SLC16A5: variants seen among roughly 807,000 people sequenced by gnomAD.
SLC16A5 encodes monocarboxylate transporter 6.
SLC16A5 carries 29 observed loss-of-function variants against 33.2 expected under a neutral mutation model. That is an observed-to-expected ratio of 0.87 (90% CI 0.65 to 1.19). SLC16A5 has a LOEUF of 1.19. Ranked by LOEUF, SLC16A5 falls within the 50% of genes most tolerant of loss-of-function variation. The pLI, the probability that SLC16A5 is intolerant of heterozygous loss-of-function variation, is 0.00. For missense variants in SLC16A5, 606 were observed against 678.2 expected, an observed-to-expected ratio of 0.89 and a Z score of 1.18; for synonymous variants, 248 against 284.1, an observed-to-expected ratio of 0.87 and a Z score of 1.28.
intron 5 of SLC16A5, among the ~76,000 whole-genome samples, chr17:75,101,844 AG>A (rs1435136532): frequency 6.6e-6 from 1 of 152,010 alleles, no homozygotes; most frequent in Non-Finnish European, 1.5e-5. Context: ...CATGTTGCTC[AG>A]GCTGCTCTCA....
intron 2 of SLC16A5, among the ~76,000 whole-genome samples, chr17:75,092,637 T>TA (rs2073655269): frequency 6.6e-6 from 1 of 151,990 alleles, no homozygotes; most frequent in African/African-American, 2.4e-5. Flanking sequence ...GTGTGTGTCT[T>TA]TATATGAGTT....
At chr17:75,105,749 AC>A (rs2073854591) in intron 6 of SLC16A5, 130 bp from the exon 7 acceptor site, 1 of 1,413,694 alleles carries the variant, frequency 7.1e-7, no homozygotes, top group Non-Finnish European at 9.2e-7. Context: ...GAGCTGGAGT[AC>A]GTTTCCCCTC....
chr17:75,101,019 C>T (rs1210247810), intron 5 of SLC16A5, among the ~76,000 whole-genome samples: 4 of 152,006 alleles, frequency 2.6e-5, no homozygotes, highest in African/African-American at 7.2e-5. Flanking sequence ...GAGGCCGGGG[C>T]GGGCAGATCA....
chr17:75,108,297 A>C (rs534026093), downstream of SLC16A5, among the ~76,000 whole-genome samples: 80 of 152,152 alleles, frequency 5.3e-4, 1 homozygote, highest in Admixed American at 7.9e-4. Context: ...GAGGCAGAGA[A>C]ACCCCTTGGG....
chr17:75,090,856 C>G (rs1419516444), intron 2 of SLC16A5, among the ~76,000 whole-genome samples: 1 of 152,092 alleles, frequency 6.6e-6, no homozygotes, highest in Non-Finnish European at 1.5e-5. Context: ...ACAGCCAGCT[C>G]CACTGAAAGG....
At chr17:75,095,285 G>A (rs2073702211) in intron 3 of SLC16A5, among the ~76,000 whole-genome samples, 1 of 152,178 alleles carries the variant, frequency 6.6e-6, no homozygotes. Context: ...TTCTCACACA[G>A]GCAGAGCAGG....
chr17:75,104,369 G>A, intron 6 of SLC16A5, 189 bp downstream of exon 6: 1 of 1,420,850 alleles, frequency 7.0e-7, no homozygotes, highest in South Asian at 1.6e-5. Context: ...ACTCTGCCAG[G>A]AGCTGGGACT....
At chr17:75,099,917 A>G in intron 4 of SLC16A5, 90 bp from the exon 5 acceptor site, 14 of 1,167,538 alleles carry the variant, frequency 1.2e-5, no homozygotes, top group Non-Finnish European at 1.6e-5. Context: ...AGAGGAGGGC[A>G]GGTGTGTGAA....
intron 4 of SLC16A5, 28 bp downstream of exon 4, chr17:75,098,209 A>G (rs1295226286): frequency 1.2e-6 from 2 of 1,610,666 alleles, no homozygotes; most frequent in South Asian, 1.1e-5. Context: ...TCCAGAATTT[A>G]TAGGCACCTG....
At chr17:75,107,297 C>A (rs527935154), downstream of SLC16A5, among the ~76,000 whole-genome samples, 8 of 151,672 alleles carry the variant, frequency 5.3e-5, no homozygotes, top group Non-Finnish European at 8.8e-5. Flanking sequence ...CCTTGTCCCC[C>A]CTTCCCAAAA....
At chr17:75,107,054 TA>T (rs2073869309), downstream of SLC16A5, among the ~76,000 whole-genome samples, 1 of 151,120 alleles carries the variant, frequency 6.6e-6, no homozygotes, top group Non-Finnish European at 1.5e-5. Flanking sequence ...ATCATGCCTG[TA>T]ATCCCAACAC....
chr17:75,090,909 C>G (rs1282394354), intron 2 of SLC16A5, among the ~76,000 whole-genome samples: 2 of 152,190 alleles, frequency 1.3e-5, no homozygotes, highest in Admixed American at 6.5e-5. Flanking sequence ...TCACAGGAGC[C>G]TGGGCAAAGT....
chr17:75,090,726 T>A (rs2073627057), intron 2 of SLC16A5, among the ~76,000 whole-genome samples: 1 of 152,096 alleles, frequency 6.6e-6, no homozygotes, highest in Admixed American at 6.6e-5. Flanking sequence ...CCCAAAGTGC[T>A]GGGATTACAG....
intron 5 of SLC16A5, among the ~76,000 whole-genome samples, chr17:75,102,399 C>G (rs2073810931): frequency 6.8e-6 from 1 of 146,738 alleles, no homozygotes; most frequent in African/African-American, 2.7e-5. Context: ...CAGAGTGAAA[C>G]TCCAACTCGA....
chr17:75,090,046 G>A (rs994159141), intron 2 of SLC16A5: 2 of 152,222 alleles, frequency 1.3e-5, no homozygotes, highest in African/African-American at 4.8e-5. Context: ...AGGCTGGAGT[G>A]CAGTGACGTG....
downstream of SLC16A5, among the ~76,000 whole-genome samples, chr17:75,109,590 T>A (rs1182674722): frequency 1.3e-5 from 2 of 152,212 alleles, no homozygotes; most frequent in African/African-American, 4.8e-5. The surrounding 1 kb of genome is among the most constrained non-coding windows in gnomAD (Gnocchi z 5.0). Context: ...GTGTCTCATT[T>A]TCGGCTTCTG....
At chr17:75,096,194 AG>A (rs2073715989) in intron 3 of SLC16A5, among the ~76,000 whole-genome samples, 1 of 151,770 alleles carries the variant, frequency 6.6e-6, no homozygotes, top group Admixed American at 6.6e-5. Flanking sequence ...CGCCTTTTAG[AG>A]GTAAGGAAAG....
chr17:75,105,756 C>T (rs755505577), intron 6 of SLC16A5, 124 bp from the exon 7 acceptor site: 2 of 1,419,180 alleles, frequency 1.4e-6, no homozygotes, highest in East Asian at 5.2e-5. Context: ...AGTACGTTTC[C>T]CCTCACCCTT....
chr17:75,092,787 G>A (rs1481687563), intron 2 of SLC16A5, among the ~76,000 whole-genome samples: 1 of 151,498 alleles, frequency 6.6e-6, no homozygotes, highest in Admixed American at 6.6e-5. Context: ...GTGTTTGTGT[G>A]TGACTGGGTA....
Sources: allele counts gnomAD v4.1 joint callset (sites outside exome capture counted in the v4.1 genomes callset), GRCh38; gene constraint gnomAD v4.1.1; non-coding constraint Gnocchi (gnomAD v3.1); transcripts MANE v1.5; gene names NCBI Gene and HGNC (gene_info 2026-07-23, HGNC 2026-07-21).